The following ZNF19 variants were observed in gnomAD, a reference collection of about 807,000 sequenced individuals.
ZNF19 encodes zinc finger protein 19 (KOX 12).
ZNF19 carries 11 observed loss-of-function variants against 13.1 expected under a neutral mutation model. The observed-to-expected ratio is 0.84, with a 90% CI of 0.53 to 1.39. The LOEUF (loss-of-function observed/expected upper bound fraction) is 1.39. Among genes scored for constraint, ZNF19 ranks in the 40% most tolerant of loss-of-function variants. ZNF19 has a pLI of 0.00. For missense variants in ZNF19, 560 were observed against 547.0 expected (o/e 1.02, Z -0.24); for synonymous variants, 186 against 187.0 (o/e 0.99, Z 0.04).
rs2043590080 is a variant in ZNF19, at chr16:71,474,971, G to A, written c.*199C>T. The A allele has an allele frequency of 3.1e-6, 2 of 635,948 alleles. No homozygotes were observed. The highest frequency in any genetic ancestry group is 2.2e-5 in the South Asian group (1 of 44,544). 39.4% of individuals were successfully genotyped at this position (635,948 alleles called of 1,614,324 possible). ...TCTCAGCATTAAAACCAATGGGGGTGGGCGGGGGGAGAGTATTTGTTCCTA... is the reference window on the plus strand; with the variant it reads ...TCTCAGCATTAAAACCAATGGGGGTAGGCGGGGGGAGAGTATTTGTTCCTA... On this transcript the variant is annotated 3_prime_UTR_variant, in exon 6 of 6. Coordinates refer to ENST00000288177, the MANE Select transcript of ZNF19 (RefSeq NM_006961.4).
At chr16:71,482,379 C>T (rs1022331746) in intron 2 of ZNF19, 1 of 419,750 alleles carries the variant, frequency 2.4e-6, no homozygotes, top group South Asian at 4.9e-5. Context: ...TCCTCACCAA[C>T]ACCAAGCTAA....
At position 71,474,963 on chromosome 16, in the gene ZNF19, A is replaced by G. The variant is rs2043589975; in HGVS notation, c.*207T>C. On this transcript the variant is annotated 3_prime_UTR_variant, in exon 6 of 6. Coordinates refer to ENST00000288177, the MANE Select transcript of ZNF19 (RefSeq NM_006961.4). ...GTTCTTCTTCTCAGCATTAAAACCA[A>G]TGGGGGTGGGCGGGGGGAGAGTATT... 3 of 600,614 alleles carry G rather than the reference A, an allele frequency of 5.0e-6. No individual in the cohort carries two copies. Among genetic ancestry groups the G allele is most frequent in the Admixed American group, 3.4e-5 (1 of 29,012 alleles). The allele number at this position is 600,614 out of a possible 1,614,324, so 37.2% of individuals were successfully genotyped here.
At chr16:71,483,445 G>A (rs1055916007) in intron 2 of ZNF19, among the ~76,000 whole-genome samples, 1 of 152,138 alleles carries the variant, frequency 6.6e-6, no homozygotes, top group African/African-American at 2.4e-5. Context: ...CCTTCTTTCA[G>A]TTTCCTCTGT....
intron 1 of ZNF19, among the ~76,000 whole-genome samples, chr16:71,485,175 C>A (rs149667401): frequency 6.6e-6 from 1 of 152,188 alleles, no homozygotes; most frequent in African/African-American, 2.4e-5. Flanking sequence ...GCAGGCCAGG[C>A]GCGGTGGCTC....
At chr16:71,485,710 A>T (rs921461093) in intron 1 of ZNF19, among the ~76,000 whole-genome samples, 8 of 152,108 alleles carry the variant, frequency 5.3e-5, no homozygotes, top group Non-Finnish European at 1.5e-5. Flanking sequence ...ATTTAGTTTC[A>T]AAAATACTGA....
intron 1 of ZNF19, chr16:71,488,970 G>A (rs1212934718): frequency 6.6e-6 from 1 of 152,372 alleles, no homozygotes; most frequent in African/African-American, 2.4e-5. Flanking sequence ...GGCTTCCCTA[G>A]GAGGTAGGAA....
At chr16:71,486,838 T>A (rs2043681748) in intron 1 of ZNF19, among the ~76,000 whole-genome samples, 1 of 152,136 alleles carries the variant, frequency 6.6e-6, no homozygotes, top group African/African-American at 2.4e-5. Flanking sequence ...CAAAAACAAG[T>A]CTCTATTGTT....
chr16:71,479,869 C>T (rs887059855), intron 3 of ZNF19, among the ~76,000 whole-genome samples: 7 of 152,078 alleles, frequency 4.6e-5, no homozygotes, highest in African/African-American at 1.7e-4. Context: ...TCTCAGCTCA[C>T]TGCAGCCTCG....
At chr16:71,489,203 C>G in intron 1 of ZNF19, 69 bp downstream of exon 1, 1 of 972,720 alleles carries the variant, frequency 1.0e-6, no homozygotes, top group South Asian at 4.7e-5. Flanking sequence ...AAAGGACCAG[C>G]CTGGACTGCT....
At position 71,475,893 on chromosome 16, in the gene ZNF19, C is replaced by G. The variant is rs8050871; in HGVS notation, c.654G>C (p.Gln218His). 0.67 allele frequency: 1,084,530 copies of G among 1,613,526 alleles called. 367,550 individuals are homozygous for G. Among genetic ancestry groups the G allele is most frequent in the Middle Eastern group, 0.81 (4,940 of 6,062 alleles). Residue 218 changes from glutamine to histidine, a missense_variant, in exon 6 of 6, where the codon CAG becomes CAC. Gln to His is a conservative substitution (Grantham distance 24). Coordinates refer to ENST00000288177, the MANE Select transcript of ZNF19 (RefSeq NM_006961.4). Reference protein sequence around the residue: ...QRIHTGERPYQCEECGRAFND... With the variant: ...QRIHTGERPYHCEECGRAFND... ...TAAAGGCTCGCCCACACTCCTCACA[C>G]TGATAGGGTCTCTCTCCAGTGTGAA... is the stretch of plus-strand genomic sequence containing the variant.
chr16:71,488,450 A>G (rs1468554457), intron 1 of ZNF19, among the ~76,000 whole-genome samples: 1 of 152,160 alleles, frequency 6.6e-6, no homozygotes, highest in African/African-American at 2.4e-5. Flanking sequence ...TGCAGGCAAC[A>G]TGATTATCTG....
intron 3 of ZNF19, among the ~76,000 whole-genome samples, chr16:71,479,872 C>A (rs1328767965): frequency 1.3e-5 from 2 of 152,050 alleles, no homozygotes; most frequent in African/African-American, 2.4e-5. Context: ...CAGCTCACTG[C>A]AGCCTCGACC....
intron 2 of ZNF19, among the ~76,000 whole-genome samples, chr16:71,483,283 A>G (rs1478113221): frequency 6.6e-6 from 1 of 152,214 alleles, no homozygotes; most frequent in Non-Finnish European, 1.5e-5. Context: ...TTTTAACTAT[A>G]TCATCTCTTA....
At chr16:71,489,169 C>G (rs1333468197) in intron 1 of ZNF19, 103 bp downstream of exon 1, 1 of 863,960 alleles carries the variant, frequency 1.2e-6, no homozygotes, top group Non-Finnish European at 1.4e-6. Flanking sequence ...ACGCCCTCCC[C>G]GTCCCCTTCT....
At chr16:71,483,231 C>T (rs1472491150) in intron 2 of ZNF19, among the ~76,000 whole-genome samples, 3 of 152,174 alleles carry the variant, frequency 2.0e-5, no homozygotes, top group African/African-American at 7.2e-5. Flanking sequence ...ACCAAAGGAC[C>T]CTGAAGGGCC....
At chr16:71,479,171 C>T (rs764981800) in intron 3 of ZNF19, 166 bp from the exon 4 acceptor site, 19 of 840,826 alleles carry the variant, frequency 2.3e-5, no homozygotes, top group African/African-American at 3.4e-5. Context: ...ATTTTTACAA[C>T]GAAAAATCTG....
chr16:71,476,345 G>T lies in ZNF19; in HGVS notation c.275-73C>A. 2.4e-5 allele frequency: 35 copies of T among 1,459,840 alleles called. 1 individual carries two copies. The highest frequency in any genetic ancestry group is 3.1e-5 in the Non-Finnish European group (34 of 1,097,920). 90.4% of individuals were successfully genotyped at this position (1,459,840 alleles called of 1,614,324 possible). A position where few individuals can be genotyped will look rare whatever the true frequency, so the allele number is the denominator to read the frequency against. Reference sequence around the variant, plus strand: ...CTAGAAATAATAGAGCATTGAAAATGATAAGGCTTTAAAAGAGATCATTTC... The same window carrying T: ...CTAGAAATAATAGAGCATTGAAAATTATAAGGCTTTAAAAGAGATCATTTC... On this transcript the variant is annotated intron_variant, in intron 5 of 5. Coordinates refer to ENST00000288177, the MANE Select transcript of ZNF19 (RefSeq NM_006961.4).
intron 1 of ZNF19, among the ~76,000 whole-genome samples, chr16:71,485,849 C>G (rs1292541797): frequency 6.6e-6 from 1 of 152,146 alleles, no homozygotes; most frequent in Non-Finnish European, 1.5e-5. Flanking sequence ...CAATCAGTTT[C>G]AGGACATTTT....
At chr16:71,489,088 G>T in intron 1 of ZNF19, 184 bp downstream of exon 1, 1 of 249,074 alleles carries the variant, frequency 4.0e-6, no homozygotes, top group Non-Finnish European at 6.4e-6. Flanking sequence ...GTTCGTGAGC[G>T]GCAAAGCTTG....
Sources: allele counts gnomAD v4.1 joint callset (sites outside exome capture counted in the v4.1 genomes callset), GRCh38; gene constraint gnomAD v4.1.1; transcripts MANE v1.5; gene names NCBI Gene and HGNC (gene_info 2026-07-23, HGNC 2026-07-21).